The following RERE variants were observed in gnomAD, a reference collection of about 807,000 sequenced individuals.
RERE encodes the protein arginine-glutamic acid dipeptide repeats.
RERE carries 40 observed loss-of-function variants against 146.1 expected under a neutral mutation model. The observed-to-expected ratio is 0.27, with a 90% CI of 0.21 to 0.36. The LOEUF is 0.36. Ranked by LOEUF, RERE falls within the 10% of genes least tolerant of loss-of-function variation. RERE has a pLI of 1.00. For missense variants in RERE, 1,933 were observed against 2,138.7 expected (o/e 0.90, Z 1.90); for synonymous variants, 1,003 against 866.0 (o/e 1.16, Z -2.78).
At chr1:8,406,085 T>A (rs1643429463) in intron 12 of RERE, among the ~76,000 whole-genome samples, 4 of 151,886 alleles carry the variant, frequency 2.6e-5, no homozygotes, top group Non-Finnish European at 5.9e-5. Flanking sequence ...TCTGAGTGAG[T>A]CAATCCACCA....
At chr1:8,476,627 A>T (rs1361768673) in intron 10 of RERE, among the ~76,000 whole-genome samples, 1 of 152,218 alleles carries the variant, frequency 6.6e-6, no homozygotes, top group African/African-American at 2.4e-5. Context: ...ATGCATTCAC[A>T]GGGGAGGTTT....
chr1:8,771,981 C>T (rs1640962109), intron 1 of RERE, among the ~76,000 whole-genome samples: 1 of 151,084 alleles, frequency 6.6e-6, no homozygotes, highest in Non-Finnish European at 1.5e-5. Flanking sequence ...GAGAACTCTG[C>T]TGCAAACGCT....
chr1:8,451,869 G>A (rs1344286180), intron 11 of RERE, among the ~76,000 whole-genome samples: 4 of 152,122 alleles, frequency 2.6e-5, no homozygotes, highest in Non-Finnish European at 4.4e-5. Flanking sequence ...CAATGCTACT[G>A]CCAGACTGGT....
intron 4 of RERE, among the ~76,000 whole-genome samples, chr1:8,606,907 A>C (rs1284720801): frequency 6.6e-6 from 1 of 152,182 alleles, no homozygotes; most frequent in African/African-American, 2.4e-5. Context: ...TAAGAACTGA[A>C]AATGCAACTT....
chr1:8,806,113 A>G (rs1409504650), intron 1 of RERE, among the ~76,000 whole-genome samples: 1 of 152,000 alleles, frequency 6.6e-6, no homozygotes, highest in Admixed American at 6.6e-5. Flanking sequence ...TGGCCTCCCA[A>G]AGTGCTGGGA....
chr1:8,369,841 G>A (rs1160597735), intron 12 of RERE, among the ~76,000 whole-genome samples: 1 of 152,138 alleles, frequency 6.6e-6, no homozygotes, highest in Non-Finnish European at 1.5e-5. Flanking sequence ...CCAGGCTGGA[G>A]TGCAGTGGCA....
At chr1:8,723,151 T>C (rs1639895441) in intron 1 of RERE, among the ~76,000 whole-genome samples, 1 of 152,100 alleles carries the variant, frequency 6.6e-6, no homozygotes, top group East Asian at 1.9e-4. Flanking sequence ...CAGCCATCCA[T>C]CACCAAAATG....
At chr1:8,720,861 G>C (rs1639851303) in intron 1 of RERE, among the ~76,000 whole-genome samples, 1 of 152,186 alleles carries the variant, frequency 6.6e-6, no homozygotes. Flanking sequence ...TTTGAGACCA[G>C]CCTGACCAAC....
chr1:8,607,725 C>T (rs1233178869), intron 4 of RERE, among the ~76,000 whole-genome samples: 14 of 92,886 alleles, frequency 1.5e-4, no homozygotes, highest in Admixed American at 4.0e-4. Flanking sequence ...CCATATCTGG[C>T]TTTTTTTTTT....
At chr1:8,473,437 T>A (rs2124155700) in intron 10 of RERE, among the ~76,000 whole-genome samples, 1 of 152,338 alleles carries the variant, frequency 6.6e-6, no homozygotes, top group East Asian at 1.9e-4. Context: ...AAAGTGGACC[T>A]CATCGCGGAT....
chr1:8,478,923 T>C (rs1197080136), intron 10 of RERE, among the ~76,000 whole-genome samples: 1 of 152,170 alleles, frequency 6.6e-6, no homozygotes, highest in Non-Finnish European at 1.5e-5. Flanking sequence ...ATTAATATGG[T>C]AGTTATACAT....
Position 8,358,814 on chromosome 1 carries a change from C to T in RERE, c.3721G>A (p.Ala1241Thr), listed in dbSNP as rs774429615. Residue 1241 changes from alanine (A) to threonine (T), a missense_variant, in exon 20 of 23, where the codon GCT (alanine) becomes ACT (threonine). Physicochemically the swap from Ala to Thr is moderately conservative, Grantham distance 58. Coordinates refer to ENST00000400908, the MANE Select transcript of RERE (RefSeq NM_001042681.2). ...SFEPPPTTIA[A>T]VPPYIGPDTP... ...TCGGGCCCGATGTAGGGGGGCACAGCAGCAATGGTGGTTGGTGGTGGCTCG... is the reference window on the plus strand; with the variant it reads ...TCGGGCCCGATGTAGGGGGGCACAGTAGCAATGGTGGTTGGTGGTGGCTCG... 1 of 1,611,916 alleles carries T rather than the reference C, an allele frequency of 6.2e-7. No individual in the cohort carries two copies. The highest frequency in any genetic ancestry group is 8.5e-7 in the Non-Finnish European group (1 of 1,178,886).
At chr1:8,639,820 A>G (rs1208034692) in intron 2 of RERE, among the ~76,000 whole-genome samples, 2 of 152,204 alleles carry the variant, frequency 1.3e-5, no homozygotes, top group Admixed American at 1.3e-4. Flanking sequence ...GCCACAATCA[A>G]TTTGGTAACT....
intron 12 of RERE, among the ~76,000 whole-genome samples, chr1:8,408,770 T>G (rs912426589): frequency 2.0e-5 from 3 of 152,118 alleles, no homozygotes; most frequent in Non-Finnish European, 4.4e-5. Flanking sequence ...CTTTTTCCTT[T>G]TGGTGTAAAG....
intron 7 of RERE, among the ~76,000 whole-genome samples, chr1:8,512,135 G>T (rs1372620457): frequency 2.1e-5 from 3 of 140,720 alleles, no homozygotes; most frequent in African/African-American, 7.9e-5. Flanking sequence ...CCGGGTTCAC[G>T]CCATTCTCCT....
chr1:8,514,765 C>A (rs1049399562), intron 7 of RERE, among the ~76,000 whole-genome samples: 1 of 151,444 alleles, frequency 6.6e-6, no homozygotes, highest in Non-Finnish European at 1.5e-5. Flanking sequence ...AAAGAAAAGA[C>A]AAGACAAGAA....
chr1:8,707,301 A>C (rs1461449489), intron 1 of RERE, among the ~76,000 whole-genome samples: 1 of 152,234 alleles, frequency 6.6e-6, no homozygotes, highest in Non-Finnish European at 1.5e-5. Flanking sequence ...AAGTCTAGTT[A>C]AACTAACATT....
intron 10 of RERE, among the ~76,000 whole-genome samples, chr1:8,475,860 C>T (rs946720041): frequency 2.0e-5 from 3 of 151,972 alleles, no homozygotes; most frequent in South Asian, 2.1e-4. Flanking sequence ...TTTTATTTGG[C>T]CATTATCATT....
intron 1 of RERE, among the ~76,000 whole-genome samples, chr1:8,751,567 C>G (rs900128043): frequency 6.6e-6 from 1 of 152,140 alleles, no homozygotes; most frequent in Admixed American, 6.6e-5. Context: ...TGATGATCCT[C>G]TCTGCACTGA....
Sources: allele counts gnomAD v4.1 joint callset (sites outside exome capture counted in the v4.1 genomes callset), GRCh38; gene constraint gnomAD v4.1.1; transcripts MANE v1.5; gene names NCBI Gene and HGNC (gene_info 2026-07-23, HGNC 2026-07-21).